The following HAVCR1 variants were observed in gnomAD, a reference collection of about 807,000 sequenced individuals.
The protein encoded by HAVCR1 is hepatitis A virus cellular receptor 1, also known as T cell immunoglobin domain and mucin domain protein 1.
HAVCR1 carries 34 observed loss-of-function variants against 32.0 expected under a neutral mutation model. That is an observed-to-expected ratio of 1.06 (90% CI 0.81 to 1.42). HAVCR1 has a LOEUF of 1.42. HAVCR1 is among the 40% of genes most tolerant of loss of function. The pLI is 0.00. For missense variants in HAVCR1, 420 were observed against 442.3 expected (o/e 0.95, Z 0.45); for synonymous variants, 178 against 170.3 (o/e 1.05, Z -0.35).
chr5:157,042,797 C>A, intron 5 of HAVCR1, 115 bp from the exon 6 acceptor site: 1 of 643,882 alleles, frequency 1.6e-6, no homozygotes, highest in Non-Finnish European at 2.7e-6. Context: ...GATAATATGA[C>A]CAAATTCTGC....
intron 6 of HAVCR1, among the ~76,000 whole-genome samples, chr5:157,041,861 C>T (rs574780600): frequency 2.0e-4 from 31 of 152,116 alleles, no homozygotes; most frequent in Non-Finnish European, 4.0e-4. Context: ...GAGTTTGAGA[C>T]TAGCCTGGCC....
chr5:157,039,011 TG>T (rs1754707714), intron 6 of HAVCR1, among the ~76,000 whole-genome samples: 1 of 151,874 alleles, frequency 6.6e-6, no homozygotes, highest in Non-Finnish European at 1.5e-5. Flanking sequence ...CCCAGCTACT[TG>T]GGAGGCTTGG....
intron 5 of HAVCR1, 99 bp downstream of exon 5, chr5:157,048,939 A>G: frequency 1.4e-6 from 1 of 730,458 alleles, no homozygotes; most frequent in South Asian, 1.6e-5. Flanking sequence ...TGGTGTTGGC[A>G]CTCAGATCAG....
chr5:157,044,615 G>GAAAGAAAGAAAGAA (rs760337335), intron 5 of HAVCR1, among the ~76,000 whole-genome samples: 1 of 52,726 alleles, frequency 1.9e-5, no homozygotes, highest in Non-Finnish European at 3.9e-5. Context: ...AAGAAAGAAA[G>GAAAGAAAGAAAGAA]AGAAAGAAAG....
At chr5:157,061,682 G>C (rs945853000), upstream of HAVCR1, among the ~76,000 whole-genome samples, 2 of 147,416 alleles carry the variant, frequency 1.4e-5, no homozygotes, top group Non-Finnish European at 3.0e-5. Context: ...ACTCTGGCCT[G>C]GGCCACAGAG....
At chr5:157,058,286 G>A (rs561521553) in intron 1 of HAVCR1, 64 of 208,628 alleles carry the variant, frequency 3.1e-4, no homozygotes, top group African/African-American at 1.4e-3. Context: ...AAACAGGGCC[G>A]GGCGCGGTGG....
Position 157,057,405 on chromosome 5 carries a change from A to AAGAAAGAAAGAG in HAVCR1, c.46+492_46+493insCTCTTTCTTTCT, listed in dbSNP as rs1249479986. Among the ~76,000 whole-genome samples, 255 of 103,234 alleles carry AAGAAAGAAAGAG rather than the reference A, an allele frequency of 2.5e-3. 8 individuals carry two copies. Among genetic ancestry groups the AAGAAAGAAAGAG allele is most frequent in the African/African-American group, 8.0e-3 (237 of 29,626 alleles). The allele number at this position is 103,234 out of a possible 152,430, so 67.7% of individuals were successfully genotyped here. On this transcript the variant is annotated intron_variant, in intron 2 of 8. Transcript: ENST00000523175. ...GAGAGAGGAAAGAAAGAAAGAAAGA[A>AAGAAAGAAAGAG]AGAAAGAAAGAAAGAAAGAAAGAAA...
chr5:157,035,697 G>A lies in HAVCR1; in HGVS notation c.952+1550C>T, dbSNP rs143071593. ...ACAATGGTGTGTTGACTTCCAGATC[G>A]CAACACTACCCAACAAACTCCTATT... On this transcript the variant is annotated intron_variant, in intron 7 of 8. Coordinates refer to ENST00000523175, the MANE Select transcript of HAVCR1 (RefSeq NM_001173393.3). Among the ~76,000 whole-genome samples the A allele has an allele frequency of 1.4e-4, 22 of 151,862 alleles. No individual in the cohort carries two copies. In the South Asian group the frequency reaches 1.5e-3, roughly 10 times the overall value.
chr5:157,067,960 G>A, the HAVCR1 span, among the ~76,000 whole-genome samples: 9 of 151,926 alleles, frequency 5.9e-5, no homozygotes, highest in Admixed American at 5.9e-4. Flanking sequence ...TTACAGGCGT[G>A]AGCCACCACT....
rs775949578 is a variant in HAVCR1 at position 157,029,632 on chromosome 5, A to G, written c.*101T>C. 2 of 1,566,150 alleles carry G rather than the reference A, an allele frequency of 1.3e-6. No individual in the cohort carries two copies. Among genetic ancestry groups the G allele is most frequent in the Admixed American group, 3.7e-5 (2 of 53,802 alleles). Reference sequence around the variant, plus strand: ...TGTTGGAATGCCAGATGAAACTGAAACAGAAAAATTGTCTTGGGGTCTAAA... The same window carrying G: ...TGTTGGAATGCCAGATGAAACTGAAGCAGAAAAATTGTCTTGGGGTCTAAA... On this transcript the variant is annotated 3_prime_UTR_variant, in exon 9 of 9. Transcript: ENST00000523175.
At chr5:157,055,926 A>G (rs1157428322) in intron 2 of HAVCR1, among the ~76,000 whole-genome samples, 3 of 150,658 alleles carry the variant, frequency 2.0e-5, no homozygotes, top group Non-Finnish European at 2.9e-5. Flanking sequence ...TTAAAAAAAT[A>G]TTTTATTCAT....
At chr5:157,062,352 A>G (rs73302602), upstream of HAVCR1, among the ~76,000 whole-genome samples, 8,445 of 152,208 alleles carry the variant, frequency 0.055, 772 homozygotes, top group African/African-American at 0.19. Context: ...CAGCCTGGAC[A>G]ACAGATTGAC....
At chr5:157,042,494 T>C (rs1293359983) in intron 6 of HAVCR1, 133 bp downstream of exon 6, 14 of 562,990 alleles carry the variant, frequency 2.5e-5, no homozygotes, top group Non-Finnish European at 4.4e-5. Flanking sequence ...GAAATTATTT[T>C]CTTCAACTTT....
chr5:157,031,871 G>A (rs1047669291), intron 8 of HAVCR1, among the ~76,000 whole-genome samples: 2 of 151,688 alleles, frequency 1.3e-5, no homozygotes, highest in African/African-American at 4.8e-5. Context: ...TCAAGTGCCT[G>A]CAAGGCTAGA....
intron 2 of HAVCR1, among the ~76,000 whole-genome samples, chr5:157,056,330 C>T (rs1310266550): frequency 2.0e-5 from 3 of 151,360 alleles, no homozygotes; most frequent in East Asian, 3.9e-4. Flanking sequence ...TTTTTCTATG[C>T]TAGCATTCTT....
chr5:157,049,030 G>A lies in HAVCR1; in HGVS notation c.781+8C>T, dbSNP rs752794701. 2.7e-5 allele frequency: 39 copies of A among 1,463,016 alleles called. No individual in the cohort carries two copies. The highest frequency in any genetic ancestry group is 6.7e-5 in the Admixed American group (4 of 59,854). The allele number at this position is 1,463,016 out of a possible 1,614,324, so 90.6% of individuals were successfully genotyped here. The stretch of plus-strand genomic sequence containing the variant: ...ATCCCAGGTCTTCAGGAAAGAGAAC[G>A]CAGTTACCTGTTGTGTAAGAGTACA... On this transcript the variant is annotated splice_region_variant and intron_variant, in intron 5 of 8. Coordinates refer to ENST00000523175, the MANE Select transcript of HAVCR1 (RefSeq NM_001173393.3).
chr5:157,057,694 G>A (rs1348263120), intron 2 of HAVCR1, among the ~76,000 whole-genome samples: 5 of 152,176 alleles, frequency 3.3e-5, no homozygotes, highest in African/African-American at 1.2e-4. Flanking sequence ...CATGAATGTT[G>A]TAATTCACAG....
At chr5:157,069,042 A>G in the HAVCR1 span, among the ~76,000 whole-genome samples, 20 of 152,260 alleles carry the variant, frequency 1.3e-4, no homozygotes, top group African/African-American at 4.6e-4. Flanking sequence ...CTAAAGTCAC[A>G]GTTTCAAGCC....
chr5:157,052,379 T>A lies in HAVCR1; in HGVS notation c.655A>T (p.Arg219Trp). The stretch of plus-strand genomic sequence containing the variant: ...GTTTTACCTGGTTCATGGTTCTGCC[T>A]GGGCAAAGGCATTGGAGGAACAAAG... ...STFVPPMPLP[R>W]QNHEPVATSP... The change falls in exon 4 of 9, where the codon AGG becomes TGG. Residue 219 changes from arginine to tryptophan, a missense_variant. Coordinates refer to ENST00000523175, the MANE Select transcript of HAVCR1 (RefSeq NM_001173393.3). The A allele has an allele frequency of 1.4e-5, 23 of 1,614,156 alleles. No homozygotes were observed. The highest frequency in any genetic ancestry group is 1.9e-5 in the Non-Finnish European group (23 of 1,179,980).
Sources: allele counts gnomAD v4.1 joint callset (sites outside exome capture counted in the v4.1 genomes callset), GRCh38; gene constraint gnomAD v4.1.1; transcripts MANE v1.5; gene names NCBI Gene and HGNC (gene_info 2026-07-23, HGNC 2026-07-21).